FNBP1L: variants seen among roughly 807,000 people sequenced by gnomAD.
The protein encoded by FNBP1L is formin-binding protein 1-like.
In FNBP1L, 36 loss-of-function variants were observed where a neutral mutation model predicts 91.2. The observed-to-expected ratio is 0.39, with a 90% CI of 0.30 to 0.52. The LOEUF (loss-of-function observed/expected upper bound fraction) is 0.52. FNBP1L is among the 20% of genes least tolerant of loss of function. The pLI is 0.66. For missense variants in FNBP1L, 571 were observed against 732.1 expected, an observed-to-expected ratio of 0.78 and a Z score of 2.54; for synonymous variants, 242 against 237.0, an observed-to-expected ratio of 1.02 and a Z score of -0.19.
intron 9 of FNBP1L, among the ~76,000 whole-genome samples, 175 bp from the exon 10 acceptor site, chr1:93,536,157 A>G (rs376795025): frequency 6.6e-6 from 1 of 152,046 alleles, no homozygotes; most frequent in Non-Finnish European, 1.5e-5. Flanking sequence ...AGTAAATTTG[A>G]TTTTTTTAAA....
intron 2 of FNBP1L, among the ~76,000 whole-genome samples, chr1:93,516,092 A>T (rs1671096738): frequency 6.6e-6 from 1 of 152,216 alleles, no homozygotes. Context: ...ATATAGTTTT[A>T]ATTGTACAAT....
chr1:93,527,937 T>G (rs1256237145), intron 5 of FNBP1L, among the ~76,000 whole-genome samples: 2 of 151,796 alleles, frequency 1.3e-5, no homozygotes, highest in Non-Finnish European at 2.9e-5. Context: ...AGGTATTATT[T>G]TAAAAGAAAC....
chr1:93,458,457 C>T (rs958241110), intron 1 of FNBP1L, among the ~76,000 whole-genome samples: 1 of 152,120 alleles, frequency 6.6e-6, no homozygotes, highest in African/African-American at 2.4e-5. Context: ...ACCTTCATGT[C>T]ACACCATATA....
At chr1:93,461,437 G>A (rs1668859960) in intron 1 of FNBP1L, among the ~76,000 whole-genome samples, 1 of 140,482 alleles carries the variant, frequency 7.1e-6, no homozygotes, top group Non-Finnish European at 1.6e-5. Flanking sequence ...CACTGGCGTG[G>A]GTTCACGAGA....
intron 1 of FNBP1L, among the ~76,000 whole-genome samples, chr1:93,480,384 G>C (rs1669655808): frequency 6.6e-6 from 1 of 152,140 alleles, no homozygotes; most frequent in Non-Finnish European, 1.5e-5. Context: ...TTTCACAAAT[G>C]ACTTAATCTT....
intron 2 of FNBP1L, among the ~76,000 whole-genome samples, chr1:93,520,400 C>G (rs1009046033): frequency 8.5e-5 from 13 of 152,062 alleles, no homozygotes; most frequent in African/African-American, 2.4e-4. Context: ...GATGATGGAC[C>G]AGTTTTAGTT....
intron 1 of FNBP1L, among the ~76,000 whole-genome samples, chr1:93,459,145 T>C (rs1223356975): frequency 6.6e-6 from 1 of 152,086 alleles, no homozygotes; most frequent in Non-Finnish European, 1.5e-5. Flanking sequence ...TGTGGTGGCA[T>C]GCACCTGTAA....
intron 1 of FNBP1L, among the ~76,000 whole-genome samples, chr1:93,498,033 G>A (rs1670326134): frequency 6.7e-6 from 1 of 150,286 alleles, no homozygotes; most frequent in Admixed American, 6.6e-5. Flanking sequence ...AATTTCTATT[G>A]TGATTTCATA....
At chr1:93,521,063 A>G (rs1191060053) in intron 2 of FNBP1L, among the ~76,000 whole-genome samples, 1 of 150,512 alleles carries the variant, frequency 6.6e-6, no homozygotes, top group Non-Finnish European at 1.5e-5. Context: ...CAACCAACCA[A>G]CCAACCAACC....
At chr1:93,512,686 G>A (rs1259873878) in intron 2 of FNBP1L, among the ~76,000 whole-genome samples, 12 of 150,622 alleles carry the variant, frequency 8.0e-5, no homozygotes, top group Non-Finnish European at 1.6e-4. Context: ...GGTACATAAC[G>A]AAATGAAGGC....
At chr1:93,532,886 C>T in intron 7 of FNBP1L, 36 bp from the exon 8 acceptor site, 4 of 1,522,030 alleles carry the variant, frequency 2.6e-6, no homozygotes, top group Non-Finnish European at 3.6e-6. Context: ...TTGAAAAATT[C>T]AGTTTTCTCT....
rs879103731 is a variant in FNBP1L at position 93,521,967 on chromosome 1, CTTAA to C, written c.141-112_141-109del. ...AATGGAGTAGAGATCATATTGCTGT[CTTAA>C]TTGTTTTATATCATAAAATTCATGA... On this transcript the variant is annotated intron_variant, in intron 2 of 16. Coordinates refer to ENST00000271234, the MANE Select transcript of FNBP1L (RefSeq NM_001164473.3). The C allele has an allele frequency of 9.9e-6, 5 of 504,494 alleles. No individual in the cohort carries two copies. The Admixed American group carries it at 1.2e-4, about 12-fold the overall frequency. 31.3% of individuals were successfully genotyped at this position (504,494 alleles called of 1,614,324 possible). A position where few individuals can be genotyped will look rare whatever the true frequency, so the allele number is the denominator to read the frequency against.
intron 1 of FNBP1L, among the ~76,000 whole-genome samples, chr1:93,453,633 T>A (rs1272325281): frequency 6.6e-6 from 1 of 152,188 alleles, no homozygotes; most frequent in African/African-American, 2.4e-5. Flanking sequence ...TCTTTAAACA[T>A]TTTCACTTCA....
intron 1 of FNBP1L, among the ~76,000 whole-genome samples, chr1:93,481,252 C>T (rs1461150057): frequency 6.6e-6 from 1 of 151,934 alleles, no homozygotes; most frequent in Non-Finnish European, 1.5e-5. Context: ...CCTTTTTTTT[C>T]CCTAAGGCTA....
At chr1:93,459,225 C>T (rs1557773590) in intron 1 of FNBP1L, among the ~76,000 whole-genome samples, 1 of 152,180 alleles carries the variant, frequency 6.6e-6, no homozygotes. Flanking sequence ...CACGCCACTG[C>T]ACTCAGCCTG....
intron 11 of FNBP1L, 155 bp from the exon 12 acceptor site, chr1:93,543,951 AC>A: frequency 2.2e-6 from 1 of 456,658 alleles, no homozygotes; most frequent in Non-Finnish European, 4.0e-6. Context: ...ATAAACACAC[AC>A]ATCTGTGTAG....
At chr1:93,451,558 CTT>C (rs2101679309) in intron 1 of FNBP1L, among the ~76,000 whole-genome samples, 1 of 152,146 alleles carries the variant, frequency 6.6e-6, no homozygotes, top group African/African-American at 2.4e-5. Flanking sequence ...GCATATAAAT[CTT>C]TTTTATGCCT....
chr1:93,551,069 T>A lies in FNBP1L; in HGVS notation c.1774T>A (p.Ser592Thr), dbSNP rs749811116. 1 of 1,612,252 alleles carries A rather than the reference T, an allele frequency of 6.2e-7. No homozygotes were observed. The highest frequency in any genetic ancestry group is 8.5e-7 in the Non-Finnish European group (1 of 1,179,022). The change falls in exon 16 of 17, where the codon TCA (serine) becomes ACA (threonine). Residue 592 changes from serine to threonine, a missense_variant. Transcript: ENST00000271234. The stretch of plus-strand genomic sequence containing the variant: ...CGGTGAAGAAGGCTACGTTCCCACG[T>A]CATACATAGATGTAACTCTAGAGAA... Reference protein sequence around the residue: ...QNGEEGYVPTSYIDVTLEKNS... With the variant: ...QNGEEGYVPTTYIDVTLEKNS...
At chr1:93,495,200 C>T (rs890387040) in intron 1 of FNBP1L, among the ~76,000 whole-genome samples, 1 of 152,228 alleles carries the variant, frequency 6.6e-6, no homozygotes, top group African/African-American at 2.4e-5. Flanking sequence ...AGAGATTTCA[C>T]ATGGAAAGTT....
Sources: allele counts gnomAD v4.1 joint callset (sites outside exome capture counted in the v4.1 genomes callset), GRCh38; gene constraint gnomAD v4.1.1; transcripts MANE v1.5; gene names NCBI Gene and HGNC (gene_info 2026-07-23, HGNC 2026-07-21).